The following ADGRL2 variants were observed in gnomAD, a reference collection of about 807,000 sequenced individuals.
ADGRL2 encodes calcium-independent alpha-latrotoxin receptor 2.
Under a neutral mutation model 157.4 loss-of-function variants are expected in ADGRL2, and 44 were observed. The observed-to-expected ratio is 0.28, with a 90% CI of 0.22 to 0.36. ADGRL2 has a LOEUF of 0.36. Among genes scored for constraint, ADGRL2 ranks in the 10% least tolerant of loss-of-function variants. The probability of loss-of-function intolerance (pLI) is 1.00; values close to 1 mark genes in which losing one functional copy is unlikely to be tolerated. For missense variants in ADGRL2, 1,510 were observed against 1,768.9 expected, an observed-to-expected ratio of 0.85 and a Z score of 2.63; for synonymous variants, 585 against 624.7, an observed-to-expected ratio of 0.94 and a Z score of 0.95.
At chr1:81,737,586 T>C (rs1174358636) in intron 1 of ADGRL2, among the ~76,000 whole-genome samples, 2 of 152,218 alleles carry the variant, frequency 1.3e-5, no homozygotes, top group African/African-American at 4.8e-5. Flanking sequence ...AGCTCAGTTT[T>C]CCTAACTTAT....
chr1:81,388,269 C>A (rs1245950229), intron 1 of ADGRL2, among the ~76,000 whole-genome samples: 5 of 152,034 alleles, frequency 3.3e-5, no homozygotes, highest in Admixed American at 3.3e-4. Flanking sequence ...TTCCTTGAGG[C>A]CTAGCATGGA....
At chr1:81,821,144 T>C (rs547206023) in intron 1 of ADGRL2, among the ~76,000 whole-genome samples, 12 of 152,238 alleles carry the variant, frequency 7.9e-5, no homozygotes, top group Admixed American at 2.6e-4. Flanking sequence ...ATTTAACTAG[T>C]TAAGGAAACT....
At chr1:81,554,993 C>G (rs1340000462) in intron 2 of ADGRL2, among the ~76,000 whole-genome samples, 1 of 152,006 alleles carries the variant, frequency 6.6e-6, no homozygotes, top group Non-Finnish European at 1.5e-5. Flanking sequence ...GATAAAAGTC[C>G]TGTGCCCTTG....
At chr1:81,846,513 A>G (rs2092796115) in intron 2 of ADGRL2, among the ~76,000 whole-genome samples, 1 of 151,722 alleles carries the variant, frequency 6.6e-6, no homozygotes, top group African/African-American at 2.4e-5. Flanking sequence ...AGGGATTCGT[A>G]TGAAGCCTGG....
At chr1:81,675,343 A>G (rs1007899919) in intron 3 of ADGRL2, among the ~76,000 whole-genome samples, 3 of 152,206 alleles carry the variant, frequency 2.0e-5, no homozygotes, top group Non-Finnish European at 2.9e-5. Context: ...CAAATCTCCA[A>G]TGAGCTGAAA....
intron 2 of ADGRL2, among the ~76,000 whole-genome samples, chr1:81,549,565 T>A (rs774176262): frequency 3.7e-4 from 56 of 152,192 alleles, no homozygotes; most frequent in Non-Finnish European, 5.9e-5. Flanking sequence ...TTCAATACTC[T>A]CATTAGATAA....
At chr1:81,951,843 TG>T (rs1651903938) in intron 8 of ADGRL2, 113 bp from the exon 9 acceptor site, 1 of 658,286 alleles carries the variant, frequency 1.5e-6, no homozygotes, top group Non-Finnish European at 2.5e-6. Context: ...CTCAATTAGT[TG>T]GAGAATTTAA....
intron 1 of ADGRL2, among the ~76,000 whole-genome samples, chr1:81,726,031 C>T (rs983374450): frequency 2.6e-5 from 4 of 152,076 alleles, no homozygotes; most frequent in Non-Finnish European, 4.4e-5. Context: ...CAAAACAATC[C>T]GCAGGTGGTC....
intron 2 of ADGRL2, among the ~76,000 whole-genome samples, chr1:81,902,019 A>C (rs77113526): frequency 0.024 from 3,615 of 152,260 alleles, 215 homozygotes; most frequent in East Asian, 0.21. Context: ...TTAGGGAGAC[A>C]TAAGTCAGAA....
At chr1:81,624,453 C>T (rs755224729) in intron 3 of ADGRL2, among the ~76,000 whole-genome samples, 27 of 152,114 alleles carry the variant, frequency 1.8e-4, no homozygotes, top group African/African-American at 6.0e-4. Flanking sequence ...TGGTGGCCCG[C>T]GCCTGTAATC....
At chr1:81,364,722 CAG>C (rs1402334848) in intron 1 of ADGRL2, among the ~76,000 whole-genome samples, 1 of 148,996 alleles carries the variant, frequency 6.7e-6, no homozygotes, top group Non-Finnish European at 1.5e-5. Context: ...TTTTTCGAGA[CAG>C]AGTCTTGCTC....
intron 3 of ADGRL2, among the ~76,000 whole-genome samples, chr1:81,677,815 C>A (rs1293210454): frequency 6.6e-6 from 1 of 152,154 alleles, no homozygotes; most frequent in Non-Finnish European, 1.5e-5. Flanking sequence ...CTGTTTAAAA[C>A]TTTCGATGCC....
chr1:81,563,322 C>A (rs2080486949), intron 2 of ADGRL2, among the ~76,000 whole-genome samples: 1 of 152,196 alleles, frequency 6.6e-6, no homozygotes, highest in East Asian at 1.9e-4. Flanking sequence ...TCCTTGACAA[C>A]CTTCTGGTGT....
intron 2 of ADGRL2, among the ~76,000 whole-genome samples, chr1:81,488,000 C>T (rs1249773833): frequency 2.0e-5 from 3 of 152,212 alleles, no homozygotes; most frequent in African/African-American, 7.2e-5. Flanking sequence ...ATCACGACTA[C>T]TTCTAGTCAC....
chr1:81,873,518 A>G (rs2093752078), intron 2 of ADGRL2, among the ~76,000 whole-genome samples: 1 of 152,148 alleles, frequency 6.6e-6, no homozygotes, highest in Admixed American at 6.6e-5. Context: ...TGTATGGGTA[A>G]GAATTACAGA....
At chr1:81,525,935 A>C (rs2148203896) in intron 2 of ADGRL2, among the ~76,000 whole-genome samples, 1 of 152,340 alleles carries the variant, frequency 6.6e-6, no homozygotes, top group Non-Finnish European at 1.5e-5. Flanking sequence ...ACAATAAGGA[A>C]AGATAAGCAT....
At chr1:81,689,663 A>G (rs1043433072) in intron 3 of ADGRL2, among the ~76,000 whole-genome samples, 3 of 152,160 alleles carry the variant, frequency 2.0e-5, no homozygotes, top group Non-Finnish European at 4.4e-5. Flanking sequence ...CCACTGGCAG[A>G]TGTGGCTGCA....
chr1:81,741,938 T>A (rs141200971), intron 1 of ADGRL2, among the ~76,000 whole-genome samples: 256 of 152,094 alleles, frequency 1.7e-3, no homozygotes, highest in African/African-American at 5.7e-3. Flanking sequence ...TATCTTATTA[T>A]CTATGTAATA....
At chr1:81,467,202 A>G (rs1168791542) in intron 2 of ADGRL2, among the ~76,000 whole-genome samples, 3 of 152,262 alleles carry the variant, frequency 2.0e-5, no homozygotes, top group East Asian at 1.9e-4. Context: ...TTCAGTAATA[A>G]ATGCAGCCGT....
Sources: allele counts gnomAD v4.1 joint callset (sites outside exome capture counted in the v4.1 genomes callset), GRCh38; gene constraint gnomAD v4.1.1; transcripts MANE v1.5; gene names NCBI Gene and HGNC (gene_info 2026-07-23, HGNC 2026-07-21).